The following KLF2 variants were observed in gnomAD, a reference collection of about 807,000 sequenced individuals.
The protein encoded by KLF2 is Krueppel-like factor 2.
Under a neutral mutation model 22.2 loss-of-function variants are expected in KLF2, and 9 were observed. The observed-to-expected ratio is 0.40, with a 90% confidence interval of 0.24 to 0.71. KLF2 has a LOEUF of 0.71. Among genes scored for constraint, KLF2 ranks in the 30% least tolerant of loss-of-function variants. The probability of loss-of-function intolerance (pLI) is 0.35; values close to 1 mark genes in which losing one functional copy is unlikely to be tolerated. For missense variants in KLF2, 481 were observed against 542.1 expected, an observed-to-expected ratio of 0.89 and a Z score of 1.12; for synonymous variants, 299 against 264.2, an observed-to-expected ratio of 1.13 and a Z score of -1.28.
chr19:16,327,162 T>G lies in KLF2; in HGVS notation c.*131T>G, dbSNP rs1599498335. Reference sequence around the variant, plus strand: ...CCGGGCACAGCGTGGCTACAGAGGGTCTCCCTCGATGACGACGACGACGAC... The same window carrying G: ...CCGGGCACAGCGTGGCTACAGAGGGGCTCCCTCGATGACGACGACGACGAC... On this transcript the variant is annotated 3_prime_UTR_variant, in exon 3 of 3. Transcript: ENST00000248071. The G allele has an allele frequency of 1.1e-6, 1 of 885,444 alleles. No individual in the cohort carries two copies. Among genetic ancestry groups the G allele is most frequent in the Non-Finnish European group, 1.6e-6 (1 of 610,186 alleles). The allele number at this position is 885,444 out of a possible 1,614,324, so 54.8% of individuals were successfully genotyped here. A position where few individuals can be genotyped will look rare whatever the true frequency, so the allele number is the denominator to read the frequency against.
rs532846059 is a variant in KLF2 at position 16,327,090 on chromosome 19, C to A, written c.*59C>A. 4.2e-6 allele frequency: 6 copies of A among 1,441,534 alleles called. No homozygotes were observed. The African/African-American group carries it at 5.7e-5, about 14-fold the overall frequency. The allele number at this position is 1,441,534 out of a possible 1,614,324, so 89.3% of individuals were successfully genotyped here. A position where few individuals can be genotyped will look rare whatever the true frequency, so the allele number is the denominator to read the frequency against. ...GGCGGGTCCCACGCGCCGGGCGCGG[C>A]CCCCTCCCAAACTGTGACTGGTATT... is the stretch of plus-strand genomic sequence containing the variant. On this transcript the variant is annotated 3_prime_UTR_variant, in exon 3 of 3. Coordinates refer to ENST00000248071, the MANE Select transcript of KLF2 (RefSeq NM_016270.4).
rs1226039825 is a variant in KLF2, at chr19:16,327,069, G to A, written c.*38G>A. 3 of 1,505,728 alleles carry A rather than the reference G, an allele frequency of 2.0e-6. No homozygotes were observed. The highest frequency in any genetic ancestry group is 2.7e-6 in the Non-Finnish European group (3 of 1,124,712). 93.3% of individuals were successfully genotyped at this position (1,505,728 alleles called of 1,614,324 possible). ...CGCCCACCTGCGCGCGGCCGTGGCG[G>A]GTCCCACGCGCCGGGCGCGGCCCCC... On this transcript the variant is annotated 3_prime_UTR_variant, in exon 3 of 3. Coordinates refer to ENST00000248071, the MANE Select transcript of KLF2 (RefSeq NM_016270.4).
chr19:16,326,430 T>C (rs1379941079), intron 2 of KLF2, among the ~76,000 whole-genome samples: 2 of 151,794 alleles, frequency 1.3e-5, no homozygotes, highest in African/African-American at 2.4e-5. Context: ...GCTCAGGTAG[T>C]TGGGGAGTAG....
Position 16,324,962 on chromosome 19 carries a change from T to C in KLF2, c.39T>C (p.Thr13=), listed in dbSNP as rs1009123694. The change falls in exon 1 of 3, where the codon ACT becomes ACC. Residue 13 remains threonine (T), a synonymous_variant. Coordinates refer to ENST00000248071, the MANE Select transcript of KLF2 (RefSeq NM_016270.4). ...LSEPILPSFS[T]FASPCRERGL... ...AACCCATCCTGCCGTCCTTCTCCAC[T>C]TTCGCCAGCCCGTGCCGCGAGCGCG... The C allele has an allele frequency of 6.2e-7, 1 of 1,603,072 alleles. No individual in the cohort carries two copies. Among genetic ancestry groups the C allele is most frequent in the African/African-American group, 1.4e-5 (1 of 73,704 alleles).
chr19:16,325,873 C>A lies in KLF2; in HGVS notation c.733C>A (p.Pro245Thr). Residue 245 changes from proline (P) to threonine (T), a missense_variant, in exon 2 of 3, where the codon CCG becomes ACG. By Grantham distance (38) the Pro-to-Thr change is conservative. Transcript: ENST00000248071. Reference sequence around the variant, plus strand: ...CCCCGCCGCCCGCGGTCTCCTCACGCCGCCTGCGTCCCCGCTGGAGCTGCT... The same window carrying A: ...CCCCGCCGCCCGCGGTCTCCTCACGACGCCTGCGTCCCCGCTGGAGCTGCT... Reference protein sequence around the residue: ...APPAARGLLTPPASPLELLEA... With the variant: ...APPAARGLLTTPASPLELLEA... 6.8e-7 allele frequency: 1 copy of A among 1,464,394 alleles called. No homozygotes were observed. Among genetic ancestry groups the A allele is most frequent in the Non-Finnish European group, 9.0e-7 (1 of 1,115,548 alleles). 90.7% of individuals were successfully genotyped at this position (1,464,394 alleles called of 1,614,324 possible).
Position 16,324,945 on chromosome 19 carries a change from C to A in KLF2, c.22C>A (p.Leu8Met). The A allele has an allele frequency of 6.2e-7, 1 of 1,603,232 alleles. No individual in the cohort carries two copies. ...GGCCATGGCGCTGAGTGAACCCATC[C>A]TGCCGTCCTTCTCCACTTTCGCCAG... MALSEPILPSFSTFASPC... is the reference protein window; with the variant it reads MALSEPIMPSFSTFASPC... Residue 8 changes from leucine (L) to methionine (M), a missense_variant, in exon 1 of 3, where the codon CTG (leucine) becomes ATG (methionine). Coordinates refer to ENST00000248071, the MANE Select transcript of KLF2 (RefSeq NM_016270.4).
chr19:16,326,297 G>C (rs981362176), intron 2 of KLF2, among the ~76,000 whole-genome samples: 1 of 151,948 alleles, frequency 6.6e-6, no homozygotes, highest in South Asian at 2.1e-4. Flanking sequence ...GGCCTCCGGA[G>C]GTTGGGAAGA....
chr19:16,328,364 C>T lies in KLF2; in HGVS notation c.*1333C>T, dbSNP rs2145198874. Among the ~76,000 whole-genome samples the T allele has an allele frequency of 6.6e-6, 1 of 152,226 alleles. No homozygotes were observed. Among genetic ancestry groups the T allele is most frequent in the South Asian group, 2.1e-4 (1 of 4,830 alleles). The stretch of plus-strand genomic sequence containing the variant: ...CTAAATCCCACCACCCCAAGTGTCT[C>T]AGGCAAGGAGGTATCTCTCCCCCCA... On this transcript the variant is annotated 3_prime_UTR_variant, in exon 3 of 3. Coordinates refer to ENST00000248071, the MANE Select transcript of KLF2 (RefSeq NM_016270.4).
Position 16,327,716 on chromosome 19 carries a change from A to C in KLF2, c.*685A>C, listed in dbSNP as rs1271958738. ...CCAGGAACCTGTGGGTTTTTCTGTA[A>C]ATTTAGACACTGCATTTTAGGACTG... On this transcript the variant is annotated 3_prime_UTR_variant, in exon 3 of 3. Transcript: ENST00000248071. 6.6e-6 allele frequency: 1 copy of C among 151,826 alleles called. No homozygotes were observed. Among genetic ancestry groups the C allele is most frequent in the African/African-American group, 2.4e-5 (1 of 41,294 alleles). 9.4% of individuals were successfully genotyped at this position (151,826 alleles called of 1,614,324 possible). A position where few individuals can be genotyped will look rare whatever the true frequency, so the allele number is the denominator to read the frequency against.
chr19:16,325,856 C>G lies in KLF2; in HGVS notation c.716C>G (p.Ala239Gly). ...AAALGLAPPA[A>G]RGLLTPPASP... Reference sequence around the variant, plus strand: ...GCCCTGGGCCTGGCGCCCCCCGCCGCCCGCGGTCTCCTCACGCCGCCTGCG... The same window carrying G: ...GCCCTGGGCCTGGCGCCCCCCGCCGGCCGCGGTCTCCTCACGCCGCCTGCG... The change falls in exon 2 of 3, where the codon GCC (alanine) becomes GGC (glycine). Residue 239 changes from alanine (A) to glycine (G), a missense_variant. Around this residue, in one of 2 missense-constraint regions of KLF2, gnomAD observed 421 missense variants for 435.1 expected, o/e 0.97. Transcript: ENST00000248071. 2 of 1,424,244 alleles carry G rather than the reference C, an allele frequency of 1.4e-6. No homozygotes were observed. The highest frequency in any genetic ancestry group is 1.8e-6 in the Non-Finnish European group (2 of 1,098,036). The allele number at this position is 1,424,244 out of a possible 1,614,324, so 88.2% of individuals were successfully genotyped here.
Position 16,327,085 on chromosome 19 carries a change from C to T in KLF2, c.*54C>T, listed in dbSNP as rs938935734. On this transcript the variant is annotated 3_prime_UTR_variant, in exon 3 of 3. Transcript: ENST00000248071. The stretch of plus-strand genomic sequence containing the variant: ...GCCGTGGCGGGTCCCACGCGCCGGG[C>T]GCGGCCCCCTCCCAAACTGTGACTG... The T allele has an allele frequency of 2.3e-5, 34 of 1,456,148 alleles. No individual in the cohort carries two copies. Among genetic ancestry groups the T allele is most frequent in the Admixed American group, 1.5e-4 (6 of 40,144 alleles). The allele number at this position is 1,456,148 out of a possible 1,614,324, so 90.2% of individuals were successfully genotyped here.
Position 16,325,858 on chromosome 19 carries a change from C to T in KLF2, c.718C>T (p.Arg240Cys). Residue 240 changes from arginine (R) to cysteine (C), a missense_variant, in exon 2 of 3, where the codon CGC becomes TGC. Coordinates refer to ENST00000248071, the MANE Select transcript of KLF2 (RefSeq NM_016270.4). ...CCTGGGCCTGGCGCCCCCCGCCGCC[C>T]GCGGTCTCCTCACGCCGCCTGCGTC... ...AALGLAPPAA[R>C]GLLTPPASPL... The T allele has an allele frequency of 7.0e-7, 1 of 1,425,304 alleles. No homozygotes were observed. The highest frequency in any genetic ancestry group is 9.1e-7 in the Non-Finnish European group (1 of 1,098,538). The allele number at this position is 1,425,304 out of a possible 1,614,324, so 88.3% of individuals were successfully genotyped here. A position where few individuals can be genotyped will look rare whatever the true frequency, so the allele number is the denominator to read the frequency against.
intron 2 of KLF2, 64 bp downstream of exon 2, chr19:16,326,096 A>G: frequency 2.1e-6 from 3 of 1,455,108 alleles, no homozygotes; most frequent in Non-Finnish European, 2.8e-6. Flanking sequence ...TCGGATTCCC[A>G]GCGCGCGCCA....
chr19:16,327,295 T>C lies in KLF2; in HGVS notation c.*264T>C. 8.5e-6 allele frequency: 2 copies of C among 235,386 alleles called. No homozygotes were observed. The highest frequency in any genetic ancestry group is 1.5e-5 in the Non-Finnish European group (2 of 129,812). 14.6% of individuals were successfully genotyped at this position (235,386 alleles called of 1,614,324 possible). On this transcript the variant is annotated 3_prime_UTR_variant, in exon 3 of 3. Transcript: ENST00000248071. ...ATGGTGCAATAATTTAAGTGGCATC[T>C]TCTCTCCCACCGGGTCTACACTAGA...
rs76570748 is a variant in KLF2 at position 16,328,260 on chromosome 19, C to T, written c.*1229C>T. 1.2e-3 allele frequency among the ~76,000 whole-genome samples: 186 copies of T among 152,150 alleles called. No individual in the cohort carries two copies. The East Asian group carries it at 0.027, about 22-fold the overall frequency. On this transcript the variant is annotated 3_prime_UTR_variant, in exon 3 of 3. Coordinates refer to ENST00000248071, the MANE Select transcript of KLF2 (RefSeq NM_016270.4). ...TAGGAGAGCCTCCTCCCCTGTAGGT[C>T]TCCTGGTGCAAAAAATTCACTGCCT... is the stretch of plus-strand genomic sequence containing the variant.
Position 16,325,002 on chromosome 19 carries a change from AGGGCGGCGG to A in KLF2, c.75+7_75+15del. On this transcript the variant is annotated splice_donor_5th_base_variant and intron_variant, in intron 1 of 2. Transcript: ENST00000248071. ...CCGCGAGCGCGGCCTGCAGGAGGTG[AGGGCGGCGG>A]GGACGGCGGGGCGGCCGGGACCGTG... 1 of 1,580,316 alleles carries A rather than the reference AGGGCGGCGG, an allele frequency of 6.3e-7. No individual in the cohort carries two copies. Among genetic ancestry groups the A allele is most frequent in the African/African-American group, 1.4e-5 (1 of 72,556 alleles).
chr19:16,325,130 G>C (rs1484108953), intron 1 of KLF2, 86 bp from the exon 2 acceptor site: 1 of 1,321,780 alleles, frequency 7.6e-7, no homozygotes, highest in Non-Finnish European at 1.0e-6. Context: ...GCGGGCCACG[G>C]GGATCGCGGA....
chr19:16,325,133 A>G, intron 1 of KLF2, 83 bp from the exon 2 acceptor site: 1 of 1,309,872 alleles, frequency 7.6e-7, no homozygotes, highest in Non-Finnish European at 1.0e-6. Flanking sequence ...GGCCACGGGG[A>G]TCGCGGACTT....
Position 16,327,015 on chromosome 19 carries a change from T to G in KLF2, c.1052T>G (p.Met351Arg). 6.2e-7 allele frequency: 1 copy of G among 1,605,250 alleles called. No homozygotes were observed. Among genetic ancestry groups the G allele is most frequent in the Non-Finnish European group, 8.5e-7 (1 of 1,176,052 alleles). ...FSRSDHLALHMKRHM is the reference protein window; with the variant it reads ...FSRSDHLALHRKRHM ...CGCTCCGATCACCTGGCGCTGCACA[T>G]GAAACGGCACATGTAGCCGGGACGC... Residue 351 changes from methionine to arginine, a missense_variant, in exon 3 of 3, where the codon ATG becomes AGG. Physicochemically the swap from Met to Arg is moderately conservative, Grantham distance 91. Coordinates refer to ENST00000248071, the MANE Select transcript of KLF2 (RefSeq NM_016270.4).
Sources: gnomAD v4.1 joint callset for allele counts (sites outside exome capture counted in the v4.1 genomes callset) on GRCh38, gnomAD v4.1.1 for gene constraint, gnomAD v4.1.1 regional missense constraint, MANE v1.5 for transcripts, NCBI Gene and HGNC (gene_info 2026-07-23, HGNC 2026-07-21) for gene names.